The following CACNA1S variants were observed in gnomAD, a reference collection of about 807,000 sequenced individuals.
The protein encoded by CACNA1S is voltage-dependent L-type calcium channel subunit alpha-1S.
Under a neutral mutation model 207.4 loss-of-function variants are expected in CACNA1S, and 126 were observed. That is an observed-to-expected ratio of 0.61 (90% confidence interval 0.53 to 0.70). CACNA1S has a LOEUF of 0.70. Among genes scored for constraint, CACNA1S ranks in the 30% least tolerant of loss-of-function variants. The probability of loss-of-function intolerance (pLI) is 0.00; values close to 1 mark genes in which losing one functional copy is unlikely to be tolerated. For missense variants in CACNA1S, 2,349 were observed against 2,422.8 expected (o/e 0.97, Z 0.64); for synonymous variants, 960 against 932.7 (o/e 1.03, Z -0.53).
At chr1:201,094,588 G>C (rs907492933) in intron 2 of CACNA1S, among the ~76,000 whole-genome samples, 1 of 152,062 alleles carries the variant, frequency 6.6e-6, no homozygotes, top group Admixed American at 6.6e-5. Flanking sequence ...GGTAGGAGAC[G>C]GGGGTGGATT....
intron 1 of CACNA1S, among the ~76,000 whole-genome samples, chr1:201,110,739 G>A (rs1663068585): frequency 6.6e-6 from 1 of 152,212 alleles, no homozygotes; most frequent in African/African-American, 2.4e-5. Flanking sequence ...CTGGGAAGGA[G>A]AGATGGAGAG....
chr1:201,075,425 C>G lies in CACNA1S; in HGVS notation c.1948+70G>C. 4 of 1,595,700 alleles carry G rather than the reference C, an allele frequency of 2.5e-6. No individual in the cohort carries two copies. The South Asian group carries it at 3.3e-5, about 13-fold the overall frequency. On this transcript the variant is annotated intron_variant, in intron 13 of 43. Coordinates refer to ENST00000362061, the MANE Select transcript of CACNA1S (RefSeq NM_000069.3). ...CTACCTAGAAACTGGACACCCTTGA[C>G]CCCCATTTTAAGCCCTTTCCCCCAC...
intron 5 of CACNA1S, 82 bp downstream of exon 5, chr1:201,091,558 G>T: frequency 6.7e-7 from 1 of 1,496,482 alleles, no homozygotes; most frequent in African/African-American, 1.4e-5. Flanking sequence ...TGAGCTCCGG[G>T]CTCCTTCACC....
chr1:201,085,094 A>T, intron 8 of CACNA1S, 63 bp from the exon 9 acceptor site: 1 of 1,152,740 alleles, frequency 8.7e-7, no homozygotes, highest in Admixed American at 1.7e-5. Flanking sequence ...ACACACCTGG[A>T]CTGGGCACCC....
chr1:201,057,858 T>C (rs574861017), intron 28 of CACNA1S, among the ~76,000 whole-genome samples: 5 of 152,302 alleles, frequency 3.3e-5, no homozygotes, highest in African/African-American at 1.2e-4. Context: ...CTGCCCTGTT[T>C]AAAAACCTTT....
chr1:201,047,095 C>T lies in CACNA1S; in HGVS notation c.4668+20G>A, dbSNP rs754377915. On this transcript the variant is annotated intron_variant, in intron 38 of 43. Transcript: ENST00000362061. Reference sequence around the variant, plus strand: ...GGCTCAGTGGGGGAGCCCCTTGGAACATACCTGGATTGGGCTTACCTGGAT... The same window carrying T: ...GGCTCAGTGGGGGAGCCCCTTGGAATATACCTGGATTGGGCTTACCTGGAT... The T allele has an allele frequency of 6.2e-7, 1 of 1,614,174 alleles. No homozygotes were observed. Among genetic ancestry groups the T allele is most frequent in the Non-Finnish European group, 8.5e-7 (1 of 1,180,008 alleles).
chr1:201,056,988 C>A (rs765001901), intron 28 of CACNA1S, among the ~76,000 whole-genome samples: 62 of 152,324 alleles, frequency 4.1e-4, no homozygotes, highest in Non-Finnish European at 6.9e-4. Context: ...TGGATCACTG[C>A]GGGAACCCCC....
At chr1:201,108,287 A>G (rs1161560497) in intron 2 of CACNA1S, among the ~76,000 whole-genome samples, 1 of 152,020 alleles carries the variant, frequency 6.6e-6, no homozygotes, top group East Asian at 1.9e-4. Flanking sequence ...ATTTTTGTAG[A>G]GACGGGAGTC....
At position 201,047,247 on chromosome 1, in the gene CACNA1S, G is replaced by A; in HGVS notation, c.4544-8C>T. 1 of 1,614,190 alleles carries A rather than the reference G, an allele frequency of 6.2e-7. No homozygotes were observed. The highest frequency in any genetic ancestry group is 1.1e-5 in the South Asian group (1 of 91,084). ...CCACTGTCACCTCATCATCTGCAGA[G>A]GAGCCAACAAGAGATGCCCTGAAGG... On this transcript the variant is annotated splice_polypyrimidine_tract_variant and splice_region_variant and intron_variant, in intron 37 of 43. Coordinates refer to ENST00000362061, the MANE Select transcript of CACNA1S (RefSeq NM_000069.3).
chr1:201,041,772 G>A, intron 40 of CACNA1S, 183 bp from the exon 41 acceptor site: 1 of 674,284 alleles, frequency 1.5e-6, no homozygotes, highest in South Asian at 1.6e-5. Flanking sequence ...CTCTCTAGGA[G>A]GAAGGAGTCC....
rs774151406 is a variant in CACNA1S at position 201,077,146 on chromosome 1, C to T, written c.1620-19G>A. The T allele has an allele frequency of 1.7e-5, 27 of 1,610,614 alleles. No homozygotes were observed. The South Asian group carries it at 2.5e-4, about 15-fold the overall frequency. On this transcript the variant is annotated intron_variant, in intron 11 of 43. Coordinates refer to ENST00000362061, the MANE Select transcript of CACNA1S (RefSeq NM_000069.3). Reference sequence around the variant, plus strand: ...CCAATATCTGAAGGAAGAGGAGGCACAAGGTGGGAGGAGACAGACCCTCTC... The same window carrying T: ...CCAATATCTGAAGGAAGAGGAGGCATAAGGTGGGAGGAGACAGACCCTCTC...
intron 39 of CACNA1S, 66 bp downstream of exon 39, chr1:201,044,262 C>A: frequency 6.2e-7 from 1 of 1,603,518 alleles, no homozygotes; most frequent in Non-Finnish European, 8.5e-7. Context: ...TCCCAGCCCT[C>A]CTCTCTGTGA....
chr1:201,052,629 A>G lies in CACNA1S; in HGVS notation c.3881T>C (p.Leu1294Ser). 6.2e-7 allele frequency: 1 copy of G among 1,613,778 alleles called. No individual in the cohort carries two copies. Among genetic ancestry groups the G allele is most frequent in the Non-Finnish European group, 8.5e-7 (1 of 1,179,886 alleles). ...IGMQMFGKIA[L>S]VDGTQINRNN... ...CCGGTTTATTTGGGTCCCATCCACC[A>G]AGGCGATCTTCCCAAACATCTGCAA... is the stretch of plus-strand genomic sequence containing the variant. Residue 1294 changes from leucine to serine, a missense_variant, in exon 32 of 44, where the codon TTG becomes TCG. Coordinates refer to ENST00000362061, the MANE Select transcript of CACNA1S (RefSeq NM_000069.3).
chr1:201,087,277 T>G (rs753992081), intron 7 of CACNA1S, among the ~76,000 whole-genome samples: 1 of 152,192 alleles, frequency 6.6e-6, no homozygotes, highest in Non-Finnish European at 1.5e-5. Flanking sequence ...GTGGCAGATG[T>G]GGAAATTAAG....
At chr1:201,094,457 A>G (rs1197042419) in intron 2 of CACNA1S, among the ~76,000 whole-genome samples, 1 of 151,402 alleles carries the variant, frequency 6.6e-6, no homozygotes, top group Non-Finnish European at 1.5e-5. Flanking sequence ...TTTTTTCATT[A>G]CTCGACTTCC....
chr1:201,062,053 G>T lies in CACNA1S; in HGVS notation c.2944C>A (p.Gln982Lys), dbSNP rs768842840. 1.9e-6 allele frequency: 3 copies of T among 1,614,038 alleles called. No individual in the cohort carries two copies. The highest frequency in any genetic ancestry group is 2.5e-6 in the Non-Finnish European group (3 of 1,180,004). Residue 982 changes from glutamine (Q) to lysine (K), a missense_variant, in exon 24 of 44, where the codon CAG becomes AAG. Gln to Lys is a moderately conservative substitution (Grantham distance 53, BLOSUM62 1). Coordinates refer to ENST00000362061, the MANE Select transcript of CACNA1S (RefSeq NM_000069.3). The part of the protein sequence containing the change: ...YYVYKDGDPM[Q>K]IELRHREWVH... ...CACTCGCGGTGACGCAGCTCTATCTGCATGGGGTCCCCGTCCTTGTACACG... is the reference window on the plus strand; with the variant it reads ...CACTCGCGGTGACGCAGCTCTATCTTCATGGGGTCCCCGTCCTTGTACACG...
chr1:201,052,491 C>T (rs12029212), intron 32 of CACNA1S, 66 bp downstream of exon 32: 33 of 1,284,142 alleles, frequency 2.6e-5, no homozygotes, highest in African/African-American at 4.4e-5. Flanking sequence ...CTCCAGTGCA[C>T]ATTAGAACAG....
intron 7 of CACNA1S, 135 bp downstream of exon 7, chr1:201,087,691 C>G (rs549787408): frequency 4.4e-6 from 3 of 686,654 alleles, no homozygotes; most frequent in Non-Finnish European, 7.8e-6. Flanking sequence ...CCTTCCTCCT[C>G]CTCCCTTCTC....
chr1:201,077,850 C>A (rs201100223), intron 11 of CACNA1S, 29 bp downstream of exon 11: 5 of 1,543,526 alleles, frequency 3.2e-6, no homozygotes, highest in Middle Eastern at 1.9e-4. Context: ...GCCGGGGACC[C>A]GGGAGTGCCA....
Sources: gnomAD v4.1 joint callset for allele counts (sites outside exome capture counted in the v4.1 genomes callset) on GRCh38, gnomAD v4.1.1 for gene constraint, MANE v1.5 for transcripts, NCBI Gene and HGNC (gene_info 2026-07-23, HGNC 2026-07-21) for gene names.